MARCHF8: variants seen among roughly 807,000 people sequenced by gnomAD.
MARCHF8 encodes E3 ubiquitin-protein ligase MARCHF8.
In MARCHF8, 40 loss-of-function variants were observed where a neutral mutation model predicts 51.6. The ratio of observed to expected loss-of-function variants is 0.77; its 90% confidence interval spans 0.60 to 1.01. MARCHF8 has a LOEUF of 1.01. Among genes scored for constraint, MARCHF8 ranks in the 50% least tolerant of loss-of-function variants. The probability of loss-of-function intolerance (pLI) is 0.00; values close to 1 mark genes in which losing one functional copy is unlikely to be tolerated. For synonymous variants in MARCHF8, 263 were observed against 280.3 expected, an observed-to-expected ratio of 0.94 and a Z score of 0.62; for missense variants, 685 against 708.6, an observed-to-expected ratio of 0.97 and a Z score of 0.38.
intron 2 of MARCHF8, among the ~76,000 whole-genome samples, chr10:45,516,116 G>T (rs1418511877): frequency 6.6e-6 from 1 of 152,170 alleles, no homozygotes; most frequent in Non-Finnish European, 1.5e-5. Context: ...GGCTCACAAT[G>T]TGTCCCTTCT....
At chr10:45,466,162 C>A (rs1050001879) in intron 3 of MARCHF8, among the ~76,000 whole-genome samples, 1 of 152,190 alleles carries the variant, frequency 6.6e-6, no homozygotes, top group East Asian at 1.9e-4. Flanking sequence ...CCTTTTAGTA[C>A]AATGGGCTTT....
At chr10:45,493,295 A>G (rs2043117865) in intron 2 of MARCHF8, among the ~76,000 whole-genome samples, 1 of 152,228 alleles carries the variant, frequency 6.6e-6, no homozygotes, top group African/African-American at 2.4e-5. Flanking sequence ...CTAAGCTTCA[A>G]TGCCCAAGTA....
intron 6 of MARCHF8, chr10:45,459,939 C>A: frequency 1.0e-6 from 1 of 969,300 alleles, no homozygotes; most frequent in Non-Finnish European, 1.2e-6. Flanking sequence ...TGTAAACACT[C>A]TGCACATATC....
chr10:45,562,964 A>G (rs2044327095), intron 1 of MARCHF8, among the ~76,000 whole-genome samples: 2 of 151,568 alleles, frequency 1.3e-5, no homozygotes, highest in Admixed American at 1.3e-4. Flanking sequence ...TTTTTAAACC[A>G]AACATAGATG....
intron 2 of MARCHF8, among the ~76,000 whole-genome samples, chr10:45,520,251 A>G (rs2043685830): frequency 6.6e-6 from 1 of 152,224 alleles, no homozygotes. Context: ...AGTGTTAGCC[A>G]TTATTCGAAA....
At chr10:45,539,503 C>A (rs1297893010), upstream of MARCHF8, among the ~76,000 whole-genome samples, 1 of 152,138 alleles carries the variant, frequency 6.6e-6, no homozygotes, top group Non-Finnish European at 1.5e-5. Flanking sequence ...ACACAAAAGA[C>A]CCTTCAAAAT....
intron 1 of MARCHF8, among the ~76,000 whole-genome samples, chr10:45,549,320 G>T (rs113719662): frequency 2.0e-5 from 3 of 152,176 alleles, no homozygotes; most frequent in Admixed American, 6.5e-5. Context: ...TTTGTTGCTT[G>T]AACAGCCATG....
At chr10:45,578,033 T>C (rs915269577) in intron 1 of MARCHF8, among the ~76,000 whole-genome samples, 2 of 152,082 alleles carry the variant, frequency 1.3e-5, no homozygotes, top group Non-Finnish European at 2.9e-5. Flanking sequence ...AAAAAAATTG[T>C]TTAATAAAAA....
rs1842613903 is a variant in MARCHF8 at position 45,456,655 on chromosome 10, C to G, written c.*1584G>C. On this transcript the variant is annotated 3_prime_UTR_variant, in exon 8 of 8. Transcript: ENST00000453424. The stretch of plus-strand genomic sequence containing the variant: ...GGACCCCCAGCATCTCCCATCTCCT[C>G]CGTGCAGGCTGGGTGAGAGAATGGC... The G allele has an allele frequency of 6.6e-6, 1 of 152,292 alleles. No homozygotes were observed. Among genetic ancestry groups the G allele is most frequent in the African/African-American group, 2.4e-5 (1 of 41,450 alleles). The allele number at this position is 152,292 out of a possible 1,614,324, so 9.4% of individuals were successfully genotyped here.
At chr10:45,517,198 T>G (rs943939278) in intron 2 of MARCHF8, among the ~76,000 whole-genome samples, 13 of 152,212 alleles carry the variant, frequency 8.5e-5, no homozygotes, top group African/African-American at 3.1e-4. Context: ...AAAACTTTTC[T>G]TATGGACTAT....
Position 45,458,116 on chromosome 10 carries a change from C to A in MARCHF8, c.*123G>T. 1 of 1,028,066 alleles carries A rather than the reference C, an allele frequency of 9.7e-7. No homozygotes were observed. The highest frequency in any genetic ancestry group is 1.8e-5 in the South Asian group (1 of 55,146). 63.7% of individuals were successfully genotyped at this position (1,028,066 alleles called of 1,614,324 possible). ...AAGGAGGGTTTAGAAAAAGAGAAGCCACTATAAATAGTCACCTGTCCAGTC... is the reference window on the plus strand; with the variant it reads ...AAGGAGGGTTTAGAAAAAGAGAAGCAACTATAAATAGTCACCTGTCCAGTC... On this transcript the variant is annotated 3_prime_UTR_variant, in exon 8 of 8. Coordinates refer to ENST00000453424, the MANE Select transcript of MARCHF8 (RefSeq NM_001282866.2).
At chr10:45,556,516 A>C (rs2133353295) in intron 1 of MARCHF8, among the ~76,000 whole-genome samples, 1 of 152,336 alleles carries the variant, frequency 6.6e-6, no homozygotes, top group Admixed American at 6.5e-5. Context: ...TTCTTCCTTT[A>C]CTTCTGTGTA....
intron 2 of MARCHF8, among the ~76,000 whole-genome samples, chr10:45,511,658 C>T (rs1252804480): frequency 1.3e-5 from 2 of 152,218 alleles, no homozygotes; most frequent in Admixed American, 1.3e-4. Flanking sequence ...GATCCGCCAG[C>T]CTCGGCCTCC....
In MARCHF8 at chr10:45,463,162, C is replaced by A. The variant is rs1166846535; in HGVS notation, c.1077G>T (p.Gly359=). Residue 359 remains glycine (G), a synonymous_variant, in exon 5 of 8, where the codon GGG becomes GGT. Transcript: ENST00000453424. ...LPPISPVSTS[G]DVCRICHCEG... ...CCTGGCAAACCAACCTGCAGACATC[C>A]CCTGACGTGGACACGGGAGATATGG... The A allele has an allele frequency of 9.7e-6, 15 of 1,549,728 alleles. No individual in the cohort carries two copies. The East Asian group carries it at 3.4e-4, about 35-fold the overall frequency.
chr10:45,478,580 A>AAG (rs1554807850), intron 3 of MARCHF8, among the ~76,000 whole-genome samples: 4 of 151,188 alleles, frequency 2.6e-5, no homozygotes, highest in Non-Finnish European at 4.4e-5. Flanking sequence ...AAAAAAAAAA[A>AAG]GATCAATGAA....
At chr10:45,586,840 T>C (rs1018621685) in intron 1 of MARCHF8, among the ~76,000 whole-genome samples, 26 of 152,272 alleles carry the variant, frequency 1.7e-4, no homozygotes, top group African/African-American at 6.3e-4. Context: ...AAGTTCTTTA[T>C]ATATGCTGGA....
At chr10:45,524,949 C>A (rs1168004776) in intron 2 of MARCHF8, among the ~76,000 whole-genome samples, 1 of 152,228 alleles carries the variant, frequency 6.6e-6, no homozygotes, top group African/African-American at 2.4e-5. Context: ...GCCCACATGG[C>A]TCTGGAGATA....
chr10:45,485,419 A>C (rs931479130), intron 3 of MARCHF8, among the ~76,000 whole-genome samples: 10 of 152,254 alleles, frequency 6.6e-5, no homozygotes, highest in African/African-American at 2.4e-4. Flanking sequence ...ATACAAAATA[A>C]GTATTGGGTG....
chr10:45,527,566 A>T (rs2043813237), intron 2 of MARCHF8, among the ~76,000 whole-genome samples: 1 of 152,186 alleles, frequency 6.6e-6, no homozygotes, highest in African/African-American at 2.4e-5. Flanking sequence ...ACTAAGAAAG[A>T]GAAAGCCTGA....
Sources: allele counts gnomAD v4.1 joint callset (sites outside exome capture counted in the v4.1 genomes callset), GRCh38; gene constraint gnomAD v4.1.1; transcripts MANE v1.5; gene names NCBI Gene and HGNC (gene_info 2026-07-23, HGNC 2026-07-21).